TMEM204: variants seen among roughly 807,000 people sequenced by gnomAD.
The protein encoded by TMEM204 is transmembrane protein 204, also known as claudin-like protein 24.
Under a neutral mutation model 19.4 loss-of-function variants are expected in TMEM204, and 15 were observed. The observed-to-expected ratio is 0.77, with a 90% CI of 0.52 to 1.19. TMEM204 has a LOEUF of 1.19. Among genes scored for constraint, TMEM204 ranks in the 50% most tolerant of loss-of-function variants. The pLI, the probability that TMEM204 is intolerant of heterozygous loss-of-function variation, is 0.00. For missense variants in TMEM204, 287 were observed against 321.2 expected, an observed-to-expected ratio of 0.89 and a Z score of 0.81; for synonymous variants, 161 against 146.0, an observed-to-expected ratio of 1.10 and a Z score of -0.74.
chr16:1,541,545 G>C, intron 1 of TMEM204: 1 of 974,568 alleles, frequency 1.0e-6, no homozygotes. Flanking sequence ...AGGGAAGCCG[G>C]TGTTGCTGGT....
chr16:1,554,833 C>T lies in TMEM204; in HGVS notation c.488C>T (p.Thr163Ile). 6.2e-7 allele frequency: 1 copy of T among 1,614,232 alleles called. No homozygotes were observed. Among genetic ancestry groups the T allele is most frequent in the South Asian group, 1.1e-5 (1 of 91,086 alleles). ...LVTFYRIGPY[T>I]NLSWSCYLNI... ...ACTTTCTACAGAATTGGCCCATACACCAACCTGTCCTGGTCCTGCTACCTG... is the reference window on the plus strand; with the variant it reads ...ACTTTCTACAGAATTGGCCCATACATCAACCTGTCCTGGTCCTGCTACCTG... The change falls in exon 3 of 3, where the codon ACC (threonine) becomes ATC (isoleucine). Residue 163 changes from threonine to isoleucine, a missense_variant. Transcript: ENST00000566264.
chr16:1,528,788 G>C (rs1183625929), upstream of TMEM204: 1 of 152,618 alleles, frequency 6.6e-6, no homozygotes, highest in Middle Eastern at 3.3e-3. Context: ...CCCCGAGCCC[G>C]TGGTCCCGGT....
At chr16:1,541,190 A>C in intron 1 of TMEM204, 1 of 985,438 alleles carries the variant, frequency 1.0e-6, no homozygotes. Context: ...AAGGCTGGGC[A>C]CAGGCCTGCT....
chr16:1,554,935 G>C lies in TMEM204; in HGVS notation c.590G>C (p.Cys197Ser). 6.2e-7 allele frequency: 1 copy of C among 1,614,164 alleles called. No homozygotes were observed. The highest frequency in any genetic ancestry group is 8.5e-7 in the Non-Finnish European group (1 of 1,180,048). Residue 197 changes from cysteine (C) to serine (S), a missense_variant, in exon 3 of 3, where the codon TGC becomes TCC. By Grantham distance (112) the Cys-to-Ser change is moderately radical. Coordinates refer to ENST00000566264, the MANE Select transcript of TMEM204 (RefSeq NM_024600.6). ...AACATTCTCCACAAGAGGGAGGACT[G>C]CATGGCCCCCCGGGTGATTGTCATC... ...IWNILHKRED[C>S]MAPRVIVISR...
In TMEM204 at chr16:1,554,927, G is replaced by A. The variant is rs756095846; in HGVS notation, c.582G>A (p.Arg194=). ...AMLIWNILHK[R]EDCMAPRVIV... ...TCATCTGGAACATTCTCCACAAGAGGGAGGACTGCATGGCCCCCCGGGTGA... is the reference window on the plus strand; with the variant it reads ...TCATCTGGAACATTCTCCACAAGAGAGAGGACTGCATGGCCCCCCGGGTGA... The change falls in exon 3 of 3, where the codon AGG becomes AGA. Residue 194 remains arginine (R), a synonymous_variant. Transcript: ENST00000566264. 1.9e-6 allele frequency: 3 copies of A among 1,614,102 alleles called. No individual in the cohort carries two copies. The highest frequency in any genetic ancestry group is 2.7e-5 in the African/African-American group (2 of 74,958).
intron 2 of TMEM204, among the ~76,000 whole-genome samples, chr16:1,549,038 G>C (rs904057475): frequency 6.6e-6 from 1 of 152,230 alleles, no homozygotes; most frequent in Non-Finnish European, 1.5e-5. Flanking sequence ...CGGTGCCCCT[G>C]CCTGCTCTGG....
Position 1,555,429 on chromosome 16 carries a change from G to A in TMEM204, c.*403G>A. ...ACACTTTGGTAAAGCAGAAAACCAG[G>A]AAAATTTTCTTAAAATATCCACAAT... On this transcript the variant is annotated 3_prime_UTR_variant, in exon 3 of 3. Coordinates refer to ENST00000566264, the MANE Select transcript of TMEM204 (RefSeq NM_024600.6). 1 of 180,586 alleles carries A rather than the reference G, an allele frequency of 5.5e-6. No homozygotes were observed. The highest frequency in any genetic ancestry group is 1.2e-5 in the Non-Finnish European group (1 of 86,118). 11.2% of individuals were successfully genotyped at this position (180,586 alleles called of 1,614,324 possible).
intron 1 of TMEM204, among the ~76,000 whole-genome samples, chr16:1,538,196 C>A (rs1596325196): frequency 1.3e-5 from 2 of 152,170 alleles, no homozygotes; most frequent in South Asian, 4.1e-4. Context: ...TCTGTGGGTG[C>A]CCTTGTGGTG....
chr16:1,548,779 T>C (rs117014805), intron 2 of TMEM204, among the ~76,000 whole-genome samples: 1,731 of 152,326 alleles, frequency 0.011, 21 homozygotes, highest in Middle Eastern at 0.031. Context: ...CACAGCGCAG[T>C]GCGATCATGC....
chr16:1,543,144 A>C (rs978357245), intron 2 of TMEM204, among the ~76,000 whole-genome samples: 1 of 152,208 alleles, frequency 6.6e-6, no homozygotes. Flanking sequence ...AGAGAAAGCG[A>C]GCATGTCGGC....
rs756533147 is a variant in TMEM204, at chr16:1,534,150, C to A, written c.-126C>A. 7.9e-6 allele frequency: 10 copies of A among 1,264,638 alleles called. No individual in the cohort carries two copies. The highest frequency in any genetic ancestry group is 1.1e-5 in the Non-Finnish European group (10 of 936,266). 78.3% of individuals were successfully genotyped at this position (1,264,638 alleles called of 1,614,324 possible). On this transcript the variant is annotated 5_prime_UTR_variant, in exon 1 of 3. Coordinates refer to ENST00000566264, the MANE Select transcript of TMEM204 (RefSeq NM_024600.6). ...CTGGACCATCCCATGGGCCTCCGCC[C>A]GCGCCGCCCCGAGGATGAGTGGTGA...
At chr16:1,552,889 G>A (rs754239642) in intron 2 of TMEM204, 7 of 827,364 alleles carry the variant, frequency 8.5e-6, no homozygotes, top group Non-Finnish European at 1.0e-5. Context: ...TCGTGACCTC[G>A]TGATCCACCC....
intron 1 of TMEM204, among the ~76,000 whole-genome samples, chr16:1,536,007 C>T (rs972749322): frequency 7.9e-5 from 12 of 152,226 alleles, no homozygotes; most frequent in Admixed American, 1.3e-4. Context: ...GAACCTCTCG[C>T]GGGGGCAGCG....
chr16:1,545,686 A>G (rs1183092625), intron 2 of TMEM204, among the ~76,000 whole-genome samples: 3 of 152,108 alleles, frequency 2.0e-5, no homozygotes, highest in African/African-American at 7.2e-5. Context: ...GATGCTCATG[A>G]AAGGAGGAAA....
chr16:1,541,943 C>T lies in TMEM204; in HGVS notation c.303C>T (p.Ala101=). The T allele has an allele frequency of 6.2e-7, 1 of 1,607,628 alleles. No individual in the cohort carries two copies. The highest frequency in any genetic ancestry group is 8.5e-7 in the Non-Finnish European group (1 of 1,177,786). The change falls in exon 2 of 3, where the codon GCC becomes GCT. Residue 101 remains alanine (A), a synonymous_variant. Transcript: ENST00000566264. The stretch of plus-strand genomic sequence containing the variant: ...CAGTGCAGTTCGACATGATGCGCGC[C>T]TGCAACCTGGTGGCCACGGCCGCGC... ...TVKLQFDMMR[A]CNLVATAALT... is the part of the protein sequence containing the mutation.
chr16:1,534,671 G>A, intron 1 of TMEM204, 116 bp downstream of exon 1: 7 of 1,465,730 alleles, frequency 4.8e-6, no homozygotes, highest in Non-Finnish European at 6.5e-6. Flanking sequence ...GCTCTGCCCT[G>A]AGCGTGGCCT....
intron 2 of TMEM204, among the ~76,000 whole-genome samples, chr16:1,544,838 C>T (rs1042465471): frequency 8.0e-5 from 12 of 149,572 alleles, no homozygotes; most frequent in East Asian, 4.1e-4. Flanking sequence ...TTAGTAGAGA[C>T]GGGGTTTCAC....
upstream of TMEM204, among the ~76,000 whole-genome samples, chr16:1,529,064 G>A (rs1022966062): frequency 2.6e-5 from 4 of 152,162 alleles, no homozygotes; most frequent in African/African-American, 9.7e-5. Flanking sequence ...TGGGCCCTGC[G>A]GTGGTGTCTG....
At chr16:1,534,652 C>T (rs1167324887) in intron 1 of TMEM204, 97 bp downstream of exon 1, 2 of 1,539,570 alleles carry the variant, frequency 1.3e-6, no homozygotes. Flanking sequence ...GTGGGGAGGC[C>T]TGGCCCCTGC....
Sources: allele counts gnomAD v4.1 joint callset (sites outside exome capture counted in the v4.1 genomes callset), GRCh38; gene constraint gnomAD v4.1.1; transcripts MANE v1.5; gene names NCBI Gene and HGNC (gene_info 2026-07-23, HGNC 2026-07-21).